The following CSGALNACT1 variants were observed in gnomAD, a reference collection of about 807,000 sequenced individuals.
CSGALNACT1 encodes the protein chondroitin sulfate N-acetylgalactosaminyltransferase 1.
CSGALNACT1 carries 52 observed loss-of-function variants against 51.0 expected under a neutral mutation model. That is an observed-to-expected ratio of 1.02 (90% CI 0.82 to 1.29). The LOEUF (loss-of-function observed/expected upper bound fraction) is 1.29. Ranked by LOEUF, CSGALNACT1 falls within the 50% of genes most tolerant of loss-of-function variation. The pLI is 0.00. For missense variants in CSGALNACT1, 935 were observed against 679.2 expected (o/e 1.38, Z -4.19); for synonymous variants, 341 against 254.4 (o/e 1.34, Z -3.24).
intron 1 of CSGALNACT1, among the ~76,000 whole-genome samples, chr8:19,680,909 G>A (rs1564415398): frequency 6.6e-6 from 1 of 152,014 alleles, no homozygotes; most frequent in South Asian, 2.1e-4. Flanking sequence ...CATATGTCAG[G>A]TTTCTACATA....
exon 10 of CSGALNACT1, chr8:19,404,286 C>T (rs1192800658): frequency 2.2e-6 from 1 of 450,534 alleles, no homozygotes; most frequent in South Asian, 1.6e-5. Flanking sequence ...ACACCAACAG[C>T]TTGAATGTTC....
At chr8:19,618,256 T>C (rs76263941) in intron 1 of CSGALNACT1, among the ~76,000 whole-genome samples, 3,440 of 152,204 alleles carry the variant, frequency 0.023, 139 homozygotes, top group African/African-American at 0.078. Context: ...CTCAGGAAGA[T>C]CTATGTCTCG....
chr8:19,656,990 G>A (rs1264375410), intron 1 of CSGALNACT1, among the ~76,000 whole-genome samples: 1 of 150,846 alleles, frequency 6.6e-6, no homozygotes, highest in Non-Finnish European at 1.5e-5. Flanking sequence ...CACCTCCCAG[G>A]AGGCAGAGGT....
chr8:19,456,634 C>A (rs1357353091), intron 5 of CSGALNACT1, among the ~76,000 whole-genome samples: 2 of 152,154 alleles, frequency 1.3e-5, no homozygotes, highest in African/African-American at 4.8e-5. Flanking sequence ...TTGAAAGAAG[C>A]CAAAACTATA....
intron 3 of CSGALNACT1, among the ~76,000 whole-genome samples, chr8:19,570,092 A>AC (rs2042688857): frequency 6.9e-6 from 1 of 144,594 alleles, no homozygotes; most frequent in African/African-American, 2.5e-5. Context: ...TTGGGGGCCT[A>AC]TTTTTTTTTT....
At chr8:19,705,350 A>T (rs1448015739) in intron 1 of CSGALNACT1, among the ~76,000 whole-genome samples, 2 of 152,354 alleles carry the variant, frequency 1.3e-5, no homozygotes, top group Admixed American at 1.3e-4. Flanking sequence ...AATGTTCAAT[A>T]ATTATTTTCT....
intron 1 of CSGALNACT1, among the ~76,000 whole-genome samples, chr8:19,608,736 G>A (rs903527503): frequency 1.3e-5 from 2 of 152,180 alleles, no homozygotes; most frequent in Non-Finnish European, 2.9e-5. Flanking sequence ...ACTCTGCCAA[G>A]TCTCTGTATT....
At chr8:19,680,828 CAA>C in intron 1 of CSGALNACT1, among the ~76,000 whole-genome samples, 1 of 152,182 alleles carries the variant, frequency 6.6e-6, no homozygotes, top group South Asian at 2.1e-4. Context: ...CATGGAAAAA[CAA>C]ATATCCCAGA....
exon 4 of CSGALNACT1, chr8:19,506,005 G>C: frequency 1.3e-6 from 1 of 742,918 alleles, no homozygotes. Flanking sequence ...CCACCACACA[G>C]AGCAGCTTCT....
At chr8:19,465,607 G>A (rs187990516) in intron 4 of CSGALNACT1, among the ~76,000 whole-genome samples, 4 of 152,226 alleles carry the variant, frequency 2.6e-5, no homozygotes, top group Admixed American at 2.6e-4. Context: ...TTTTAAATCT[G>A]ATCCTTCTGC....
intron 1 of CSGALNACT1, among the ~76,000 whole-genome samples, chr8:19,624,113 A>G (rs890528521): frequency 2.0e-5 from 3 of 152,192 alleles, no homozygotes; most frequent in Non-Finnish European, 4.4e-5. Flanking sequence ...CTAGTGGTAG[A>G]ATGCCCACCA....
At chr8:19,613,006 C>A (rs980829628) in intron 1 of CSGALNACT1, among the ~76,000 whole-genome samples, 2 of 112,494 alleles carry the variant, frequency 1.8e-5, no homozygotes, top group South Asian at 3.2e-4. Context: ...AACTTGGTAT[C>A]TTTAAGAACA....
chr8:19,706,465 A>G (rs1051390157), intron 1 of CSGALNACT1, among the ~76,000 whole-genome samples: 3 of 152,208 alleles, frequency 2.0e-5, no homozygotes, highest in African/African-American at 7.2e-5. Flanking sequence ...TAACACAGGC[A>G]CTAAAATCAG....
At chr8:19,570,138 G>A (rs1231798695) in intron 3 of CSGALNACT1, among the ~76,000 whole-genome samples, 4 of 151,566 alleles carry the variant, frequency 2.6e-5, no homozygotes, top group Non-Finnish European at 5.9e-5. Context: ...TGATTTGTGT[G>A]GTGATTAAAC....
At chr8:19,435,999 A>G (rs2060313924) in intron 6 of CSGALNACT1, among the ~76,000 whole-genome samples, 1 of 152,178 alleles carries the variant, frequency 6.6e-6, no homozygotes, top group Non-Finnish European at 1.5e-5. Flanking sequence ...TAAAAATTGG[A>G]CATAAGCCAC....
At chr8:19,704,228 G>A (rs2062035359) in intron 1 of CSGALNACT1, among the ~76,000 whole-genome samples, 1 of 152,136 alleles carries the variant, frequency 6.6e-6, no homozygotes, top group Non-Finnish European at 1.5e-5. Context: ...GCTGCCAAAG[G>A]AGAAAGAAGA....
chr8:19,578,353 T>C (rs2044753052), intron 3 of CSGALNACT1, among the ~76,000 whole-genome samples: 1 of 152,230 alleles, frequency 6.6e-6, no homozygotes, highest in South Asian at 2.1e-4. Context: ...CTCTGGGACT[T>C]TGTGTACATC....
chr8:19,617,236 T>C (rs373579010), intron 1 of CSGALNACT1, among the ~76,000 whole-genome samples: 1 of 152,164 alleles, frequency 6.6e-6, no homozygotes, highest in Non-Finnish European at 1.5e-5. Context: ...TAAGCAGTGA[T>C]GCAAGTGATG....
At chr8:19,671,606 C>A (rs1199593082) in intron 1 of CSGALNACT1, among the ~76,000 whole-genome samples, 1 of 152,144 alleles carries the variant, frequency 6.6e-6, no homozygotes, top group African/African-American at 2.4e-5. Flanking sequence ...TCCCTGCCCT[C>A]CCGCAACTTA....
Sources: allele counts gnomAD v4.1 joint callset (sites outside exome capture counted in the v4.1 genomes callset), GRCh38; gene constraint gnomAD v4.1.1; transcripts MANE v1.5; gene names NCBI Gene and HGNC (gene_info 2026-07-23, HGNC 2026-07-21).